The following PSIP1 variants were observed in gnomAD, a reference collection of about 807,000 sequenced individuals.
The protein encoded by PSIP1 is PC4 and SRSF1 interacting protein 1.
In PSIP1, 19 loss-of-function variants were observed where a neutral mutation model predicts 74.7. The observed-to-expected ratio is 0.25, with a 90% CI of 0.18 to 0.37. The LOEUF (loss-of-function observed/expected upper bound fraction) is 0.37. Among genes scored for constraint, PSIP1 ranks in the 10% least tolerant of loss-of-function variants. The pLI is 1.00. For missense variants in PSIP1, 601 were observed against 614.3 expected (o/e 0.98, Z 0.23); for synonymous variants, 222 against 195.3 (o/e 1.14, Z -1.14).
At chr9:15,479,564 C>G in intron 7 of PSIP1, 27 bp downstream of exon 7, 2 of 1,535,728 alleles carry the variant, frequency 1.3e-6, no homozygotes, top group Non-Finnish European at 1.8e-6. Flanking sequence ...ACAAGCCAAA[C>G]AGATATTTAA....
intron 9 of PSIP1, among the ~76,000 whole-genome samples, chr9:15,473,134 G>C (rs1279010574): frequency 6.6e-6 from 1 of 152,148 alleles, no homozygotes; most frequent in Non-Finnish European, 1.5e-5. Context: ...GTAAACAAAA[G>C]ATTTGCATGA....
At chr9:15,476,905 T>A (rs1380770728) in intron 8 of PSIP1, among the ~76,000 whole-genome samples, 1 of 152,088 alleles carries the variant, frequency 6.6e-6, no homozygotes. Flanking sequence ...GCTCAGCTGA[T>A]GAGGAGGGCA....
intron 3 of PSIP1, among the ~76,000 whole-genome samples, chr9:15,495,990 G>A (rs548285109): frequency 6.6e-6 from 1 of 152,018 alleles, no homozygotes; most frequent in Non-Finnish European, 1.5e-5. Flanking sequence ...CAATTTCCTT[G>A]TTTATTTTGG....
chr9:15,501,840 CATAT>C (rs112671758), intron 3 of PSIP1, among the ~76,000 whole-genome samples: 3,643 of 124,242 alleles, frequency 0.029, 284 homozygotes, highest in African/African-American at 0.11. Context: ...TATAAAACAG[CATAT>C]ATATATATAT....
chr9:15,495,855 T>C (rs1251475466), intron 3 of PSIP1, among the ~76,000 whole-genome samples: 2 of 152,256 alleles, frequency 1.3e-5, no homozygotes, highest in African/African-American at 2.4e-5. Flanking sequence ...GGACAATTAG[T>C]GTCTCTCCAA....
At chr9:15,483,286 C>G (rs573482960) in intron 6 of PSIP1, among the ~76,000 whole-genome samples, 1 of 152,164 alleles carries the variant, frequency 6.6e-6, no homozygotes, top group African/African-American at 2.4e-5. Flanking sequence ...CCAACATCCT[C>G]TGCACTCCCA....
In PSIP1 at chr9:15,480,375, T is replaced by C. The variant is rs79508724; in HGVS notation, c.457-688A>G. On this transcript the variant is annotated intron_variant, in intron 6 of 15. Coordinates refer to ENST00000380733, the MANE Select transcript of PSIP1 (RefSeq NM_033222.5). The stretch of plus-strand genomic sequence containing the variant: ...CCCCAACTCCCCCAACTATTTAGAA[T>C]TCAGCATTAACTGTATCACTAAAGA... Among the ~76,000 whole-genome samples, 380 of 152,274 alleles carry C rather than the reference T, an allele frequency of 2.5e-3. No individual in the cohort carries two copies. In the Middle Eastern group the frequency reaches 0.027, roughly 11 times the overall value.
At position 15,479,488 on chromosome 9, in the gene PSIP1, T is replaced by C. The variant is rs538712482; in HGVS notation, c.553+103A>G. The stretch of plus-strand genomic sequence containing the variant: ...AAATCTGTATGTTACACATAATCAA[T>C]TGCCTATTTGCTTCATTCCAAAATA... On this transcript the variant is annotated intron_variant, in intron 7 of 15. Coordinates refer to ENST00000380733, the MANE Select transcript of PSIP1 (RefSeq NM_033222.5). The C allele has an allele frequency of 6.4e-4, 475 of 744,444 alleles. 3 individuals are homozygous for C. Among genetic ancestry groups the C allele is most frequent in the Non-Finnish European group, 9.2e-4 (423 of 461,762 alleles). 46.1% of individuals were successfully genotyped at this position (744,444 alleles called of 1,614,324 possible). A position where few individuals can be genotyped will look rare whatever the true frequency, so the allele number is the denominator to read the frequency against.
At chr9:15,505,667 C>G (rs1243954754) in intron 3 of PSIP1, 2 of 146,912 alleles carry the variant, frequency 1.4e-5, no homozygotes, top group Admixed American at 6.8e-5. Context: ...CTAAAATCTA[C>G]TAAATATACT....
chr9:15,470,043 A>G (rs1342922271), intron 10 of PSIP1, 50 bp from the exon 11 acceptor site: 12 of 1,408,798 alleles, frequency 8.5e-6, no homozygotes, highest in Non-Finnish European at 1.2e-5. Context: ...TTTGTGACTA[A>G]ATGCCCACAA....
chr9:15,466,759 G>A lies in PSIP1; in HGVS notation c.1521C>T (p.Ser507=), dbSNP rs1402012272. The A allele has an allele frequency of 6.2e-7, 1 of 1,607,674 alleles. No individual in the cohort carries two copies. Among genetic ancestry groups the A allele is most frequent in the Admixed American group, 1.7e-5 (1 of 58,222 alleles). ...NEDSKDNHEA[S]TKKKPSSEER... Reference sequence around the variant, plus strand: ...AACCTATTCCTCACTTTTTCTTCGTGCTGGCTTCATGGTTGTCTTTGCTGT... The same window carrying A: ...AACCTATTCCTCACTTTTTCTTCGTACTGGCTTCATGGTTGTCTTTGCTGT... Residue 507 remains serine (S), a synonymous_variant, in exon 15 of 16, where the codon AGC becomes AGT. Transcript: ENST00000380733.
intron 14 of PSIP1, among the ~76,000 whole-genome samples, chr9:15,467,115 A>T (rs1447226809): frequency 6.6e-6 from 1 of 152,030 alleles, no homozygotes; most frequent in East Asian, 1.9e-4. Context: ...CAGGTTAACT[A>T]TCTATGAGTA....
intron 6 of PSIP1, among the ~76,000 whole-genome samples, chr9:15,484,170 A>G (rs1448468613): frequency 6.6e-6 from 1 of 151,584 alleles, no homozygotes; most frequent in African/African-American, 2.4e-5. Context: ...TAAAAAAAAA[A>G]AGAAAAAAGA....
rs1491544774 is a variant in PSIP1, at chr9:15,473,925, AAC to A, written c.858+82_858+83del. On this transcript the variant is annotated intron_variant, in intron 9 of 15. Coordinates refer to ENST00000380733, the MANE Select transcript of PSIP1 (RefSeq NM_033222.5). ...CAAACAAAAAAAAAACAAAAAAAAA[AAC>A]AAAAAAAAAACAAAGAAAAAACAAA... 632 of 794,768 alleles carry A rather than the reference AAC, an allele frequency of 8.0e-4. 7 individuals carry two copies. The African/African-American group carries it at 0.013, about 16-fold the overall frequency. 49.2% of individuals were successfully genotyped at this position (794,768 alleles called of 1,614,324 possible). A position where few individuals can be genotyped will look rare whatever the true frequency, so the allele number is the denominator to read the frequency against.
At chr9:15,490,555 C>T (rs983523234) in intron 3 of PSIP1, among the ~76,000 whole-genome samples, 16 of 151,768 alleles carry the variant, frequency 1.1e-4, no homozygotes, top group African/African-American at 2.9e-4. Context: ...TGGTGGCGTG[C>T]ACCTGTAGTC....
intron 2 of PSIP1, 36 bp downstream of exon 2, chr9:15,510,081 T>G (rs775365701): frequency 6.3e-7 from 1 of 1,579,786 alleles, no homozygotes. Flanking sequence ...GAGAGGAGGG[T>G]AGCACTGCTA....
chr9:15,495,071 A>G (rs1041067966), intron 3 of PSIP1, among the ~76,000 whole-genome samples: 2 of 152,182 alleles, frequency 1.3e-5, no homozygotes, highest in African/African-American at 4.8e-5. Context: ...TAAAATTTGG[A>G]AGCTAAAAAG....
At chr9:15,471,822 T>C (rs926335438) in intron 10 of PSIP1, 1 of 957,140 alleles carries the variant, frequency 1.0e-6, no homozygotes, top group African/African-American at 1.8e-5. Context: ...TAACTTTGTC[T>C]TATTGACCTA....
chr9:15,482,124 CCACTT>C lies in PSIP1; in HGVS notation c.457-2442_457-2438del, dbSNP rs2036363282. Among the ~76,000 whole-genome samples the C allele has an allele frequency of 2.6e-5, 4 of 152,240 alleles. No homozygotes were observed. The South Asian group carries it at 8.3e-4, about 32-fold the overall frequency. ...TTCCTTGATCTTAACTAAAAACACA[CCACTT>C]CACACACACACAAAAACCTCATGGG... is the stretch of plus-strand genomic sequence containing the variant. On this transcript the variant is annotated intron_variant, in intron 6 of 15. Coordinates refer to ENST00000380733, the MANE Select transcript of PSIP1 (RefSeq NM_033222.5).
Sources: allele counts gnomAD v4.1 joint callset (sites outside exome capture counted in the v4.1 genomes callset), GRCh38; gene constraint gnomAD v4.1.1; transcripts MANE v1.5; gene names NCBI Gene and HGNC (gene_info 2026-07-23, HGNC 2026-07-21).